The following NEGR1 variants were observed in gnomAD, a reference collection of about 807,000 sequenced individuals.
NEGR1 encodes IgLON family member 4.
A neutral mutation model predicts 40.9 loss-of-function variants in NEGR1; 10 were observed. The observed-to-expected ratio is 0.24, with a 90% CI of 0.15 to 0.42. NEGR1 has a LOEUF of 0.42. NEGR1 is among the 10% of genes least tolerant of loss of function. The pLI, the probability that NEGR1 is intolerant of heterozygous loss-of-function variation, is 1.00. For missense variants in NEGR1, 352 were observed against 438.9 expected (o/e 0.80, Z 1.77); for synonymous variants, 185 against 166.8 (o/e 1.11, Z -0.84).
intron 2 of NEGR1, among the ~76,000 whole-genome samples, chr1:71,912,921 A>C (rs1187611210): frequency 6.6e-6 from 1 of 152,080 alleles, no homozygotes; most frequent in Non-Finnish European, 1.5e-5. Context: ...AACTTTGCAA[A>C]ATAATTTTAT....
At chr1:71,991,040 C>T (rs1250250484) in intron 1 of NEGR1, among the ~76,000 whole-genome samples, 1 of 151,866 alleles carries the variant, frequency 6.6e-6, no homozygotes, top group Non-Finnish European at 1.5e-5. Flanking sequence ...GAATAAATAT[C>T]CTGTAGTTCA....
At chr1:71,783,171 G>GT (rs1557650829) in intron 2 of NEGR1, among the ~76,000 whole-genome samples, 1 of 152,014 alleles carries the variant, frequency 6.6e-6, no homozygotes, top group African/African-American at 2.4e-5. Flanking sequence ...CAAGCTAGAC[G>GT]TAACTATAAA....
chr1:72,272,138 T>C (rs983461579), intron 1 of NEGR1, among the ~76,000 whole-genome samples: 2 of 151,896 alleles, frequency 1.3e-5, no homozygotes, highest in African/African-American at 4.8e-5. Context: ...TTCTAAATAA[T>C]GAAATTTCTG....
At chr1:71,838,193 T>A (rs1397086438) in intron 2 of NEGR1, among the ~76,000 whole-genome samples, 1 of 152,146 alleles carries the variant, frequency 6.6e-6, no homozygotes, top group Non-Finnish European at 1.5e-5. Context: ...GAGAAAAATT[T>A]CACTTTTCAA....
intron 2 of NEGR1, among the ~76,000 whole-genome samples, chr1:71,902,023 T>C (rs1020726978): frequency 6.6e-6 from 1 of 152,014 alleles, no homozygotes; most frequent in African/African-American, 2.4e-5. Flanking sequence ...AAGTGAAAAA[T>C]AAAGCATAAT....
chr1:72,139,594 CA>C (rs1454171559), intron 1 of NEGR1, among the ~76,000 whole-genome samples: 2 of 151,970 alleles, frequency 1.3e-5, no homozygotes, highest in African/African-American at 4.8e-5. Flanking sequence ...CATAGGCAGA[CA>C]ACCTGAATAT....
rs145972250 is a variant in NEGR1, at chr1:71,850,289, G to A, written c.410-73992C>T. Reference sequence around the variant, plus strand: ...TCCCATCTCAGCCTCCTGAGTAGCTGGGACTGTAGGCATGAGCCATCATGC... The same window carrying A: ...TCCCATCTCAGCCTCCTGAGTAGCTAGGACTGTAGGCATGAGCCATCATGC... On this transcript the variant is annotated intron_variant, in intron 2 of 6. Transcript: ENST00000357731. Among the ~76,000 whole-genome samples, 188 of 152,006 alleles carry A rather than the reference G, an allele frequency of 1.2e-3. 1 individual carries two copies. The highest frequency in any genetic ancestry group is 2.4e-3 in the Non-Finnish European group (163 of 67,974).
chr1:71,520,880 A>C (rs1007750411), intron 6 of NEGR1, among the ~76,000 whole-genome samples: 1 of 152,058 alleles, frequency 6.6e-6, no homozygotes, highest in Non-Finnish European at 1.5e-5. Flanking sequence ...TTTACTTGCC[A>C]CCAAATGCCT....
At chr1:71,506,482 G>A (rs561306938) in intron 6 of NEGR1, among the ~76,000 whole-genome samples, 33 of 152,232 alleles carry the variant, frequency 2.2e-4, no homozygotes, top group Middle Eastern at 6.8e-3. Context: ...AACCTTTGGT[G>A]GGGCCCTAAT....
chr1:71,693,338 A>G (rs1302108412), intron 4 of NEGR1, among the ~76,000 whole-genome samples: 1 of 151,688 alleles, frequency 6.6e-6, no homozygotes, highest in Non-Finnish European at 1.5e-5. Context: ...GCCTAGTAGA[A>G]TGATTCACCT....
chr1:71,595,484 A>C (rs1266199363), intron 5 of NEGR1, among the ~76,000 whole-genome samples: 1 of 152,186 alleles, frequency 6.6e-6, no homozygotes, highest in Non-Finnish European at 1.5e-5. Context: ...TGGGAGAGTG[A>C]CTTCTGATAT....
At chr1:71,977,735 G>A (rs1267555594) in intron 1 of NEGR1, among the ~76,000 whole-genome samples, 10 of 142,158 alleles carry the variant, frequency 7.0e-5, no homozygotes, top group Non-Finnish European at 1.4e-4. Flanking sequence ...AAATTATAAT[G>A]GGCAACATTC....
intron 1 of NEGR1, among the ~76,000 whole-genome samples, chr1:72,026,073 T>C (rs1468130745): frequency 8.7e-6 from 1 of 115,300 alleles, no homozygotes; most frequent in Non-Finnish European, 1.6e-5. Context: ...ATCCCGCCAC[T>C]GCACTCCAGC....
At chr1:72,276,340 T>C (rs531527004) in intron 1 of NEGR1, among the ~76,000 whole-genome samples, 2 of 152,254 alleles carry the variant, frequency 1.3e-5, no homozygotes, top group South Asian at 4.1e-4. Context: ...TAAAGAAAGA[T>C]CTTTAATTTT....
chr1:71,963,554 T>G lies in NEGR1; in HGVS notation c.177-28243A>C, dbSNP rs1038945236. On this transcript the variant is annotated intron_variant, in intron 1 of 6. Coordinates refer to ENST00000357731, the MANE Select transcript of NEGR1 (RefSeq NM_173808.3). ...ATGTGCCTCTTTAATTTTCCCAAAT[T>G]GTTTTCTAAAATGTCATGTTAAGTA... 4.6e-5 allele frequency among the ~76,000 whole-genome samples: 7 copies of G among 152,334 alleles called. No individual in the cohort carries two copies. The East Asian group carries it at 1.2e-3, about 25-fold the overall frequency.
rs1037724554 is a variant in NEGR1 at position 71,592,797 on chromosome 1, G to A, written c.940+20C>T. ...GCCCAGAGGCCCCTGGAAGCATTTT[G>A]GTACCATTGCATTACTTACGGTTAA... On this transcript the variant is annotated intron_variant, in intron 6 of 6. Transcript: ENST00000357731. 6 of 1,596,186 alleles carry A rather than the reference G, an allele frequency of 3.8e-6. No homozygotes were observed. The highest frequency in any genetic ancestry group is 5.1e-6 in the Non-Finnish European group (6 of 1,166,754).
chr1:72,052,964 C>A (rs1407469148), intron 1 of NEGR1, among the ~76,000 whole-genome samples: 1 of 151,412 alleles, frequency 6.6e-6, no homozygotes, highest in Non-Finnish European at 1.5e-5. Flanking sequence ...ATTTTCCAAG[C>A]CTGAGTCAAC....
At chr1:71,488,811 A>C (rs1646905154) in intron 6 of NEGR1, among the ~76,000 whole-genome samples, 1 of 151,722 alleles carries the variant, frequency 6.6e-6, no homozygotes, top group African/African-American at 2.4e-5. Flanking sequence ...AAGCAGAAGT[A>C]TTATACAATT....
At chr1:71,768,289 G>A (rs931848406) in intron 3 of NEGR1, among the ~76,000 whole-genome samples, 2 of 152,176 alleles carry the variant, frequency 1.3e-5, no homozygotes, top group African/African-American at 4.8e-5. Context: ...ACAAAGTCAT[G>A]GGACAGAGCT....
Sources: gnomAD v4.1 joint callset for allele counts (sites outside exome capture counted in the v4.1 genomes callset) on GRCh38, gnomAD v4.1.1 for gene constraint, MANE v1.5 for transcripts, NCBI Gene and HGNC (gene_info 2026-07-23, HGNC 2026-07-21) for gene names.